The following SYDE2 variants were observed in gnomAD, a reference collection of about 807,000 sequenced individuals.
The protein encoded by SYDE2 is rho GTPase-activating protein SYDE2.
In SYDE2, 76 loss-of-function variants were observed where a neutral mutation model predicts 91.5. The observed-to-expected ratio is 0.83, with a 90% CI of 0.69 to 1.01. The LOEUF is 1.01. Ranked by LOEUF, SYDE2 falls within the 50% of genes least tolerant of loss-of-function variation. The pLI, the probability that SYDE2 is intolerant of heterozygous loss-of-function variation, is 0.00. For synonymous variants in SYDE2, 513 were observed against 506.4 expected, an observed-to-expected ratio of 1.01 and a Z score of -0.18; for missense variants, 1,364 against 1,367.7, an observed-to-expected ratio of 1.00 and a Z score of 0.04.
intron 2 of SYDE2, among the ~76,000 whole-genome samples, chr1:85,184,906 T>C (rs1165018073): frequency 1.3e-5 from 2 of 151,728 alleles, no homozygotes; most frequent in African/African-American, 4.8e-5. Flanking sequence ...GATACATATG[T>C]ATCTGGGAGT....
At chr1:85,186,867 A>C (rs1268498375) in intron 2 of SYDE2, among the ~76,000 whole-genome samples, 8 of 152,252 alleles carry the variant, frequency 5.3e-5, no homozygotes, top group South Asian at 2.1e-4. Context: ...AATTAATTCA[A>C]GATGGATTAA....
intron 3 of SYDE2, among the ~76,000 whole-genome samples, chr1:85,180,909 C>T (rs1290608109): frequency 6.6e-6 from 1 of 151,914 alleles, no homozygotes; most frequent in Non-Finnish European, 1.5e-5. Context: ...GAACTCTACC[C>T]TCACTGCCTG....
At chr1:85,166,969 G>A (rs575294384) in intron 5 of SYDE2, among the ~76,000 whole-genome samples, 2 of 152,270 alleles carry the variant, frequency 1.3e-5, no homozygotes, top group South Asian at 4.1e-4. Flanking sequence ...CCAGCACTTT[G>A]GGAGGTCGAG....
chr1:85,176,714 A>C (rs1028381855), intron 4 of SYDE2, among the ~76,000 whole-genome samples: 2 of 152,168 alleles, frequency 1.3e-5, no homozygotes, highest in Non-Finnish European at 2.9e-5. Flanking sequence ...TACACACTGA[A>C]GCATCTATAA....
Position 85,182,097 on chromosome 1 carries a change from C to T in SYDE2, c.2544+1G>A. The stretch of plus-strand genomic sequence containing the variant: ...AGTAGGGAACCATAGTAAGATAATA[C>T]CTGACAGCCTCTCTTTTCAATTTCC... On this transcript the variant is annotated splice_donor_variant, in intron 3 of 6. Transcript: ENST00000341460. LOFTEE classifies it high-confidence loss of function. The T allele has an allele frequency of 6.3e-7, 1 of 1,577,580 alleles. No individual in the cohort carries two copies. Among genetic ancestry groups the T allele is most frequent in the Non-Finnish European group, 8.6e-7 (1 of 1,166,138 alleles).
intron 3 of SYDE2, among the ~76,000 whole-genome samples, chr1:85,179,278 G>A (rs1302977418): frequency 1.3e-5 from 2 of 152,120 alleles, no homozygotes; most frequent in African/African-American, 4.8e-5. Context: ...AGGAATCACT[G>A]TAAAATGCAA....
At position 85,158,945 on chromosome 1, in the gene SYDE2, A is replaced by T. The variant is rs1451470848; in HGVS notation, c.3390T>A (p.Asp1130Glu). 1 of 780,510 alleles carries T rather than the reference A, an allele frequency of 1.3e-6. No individual in the cohort carries two copies. Among genetic ancestry groups the T allele is most frequent in the Non-Finnish European group, 2.4e-6 (1 of 417,928 alleles). 48.3% of individuals were successfully genotyped at this position (780,510 alleles called of 1,614,324 possible). A position where few individuals can be genotyped will look rare whatever the true frequency, so the allele number is the denominator to read the frequency against. Reference sequence around the variant, plus strand: ...GCTGTTCAATCATTACTTCTGGCCCATCCATTTTGCTATAATTTTCTCCGA... The same window carrying T: ...GCTGTTCAATCATTACTTCTGGCCCTTCCATTTTGCTATAATTTTCTCCGA... ...RKIGENYSKM[D>E]GPEVMIEQPI... Residue 1130 changes from aspartate to glutamate, a missense_variant, in exon 7 of 7, where the codon GAT becomes GAA. By Grantham distance (45) the Asp-to-Glu change is conservative. Coordinates refer to ENST00000341460, the MANE Select transcript of SYDE2 (RefSeq NM_032184.2).
chr1:85,167,931 T>C (rs1657351761), intron 5 of SYDE2, among the ~76,000 whole-genome samples: 1 of 151,960 alleles, frequency 6.6e-6, no homozygotes, highest in East Asian at 1.9e-4. Context: ...CTGGCCAACA[T>C]GGTGAAACCC....
At chr1:85,177,492 T>C (rs1436262335) in intron 4 of SYDE2, among the ~76,000 whole-genome samples, 2 of 152,134 alleles carry the variant, frequency 1.3e-5, no homozygotes, top group African/African-American at 2.4e-5. Flanking sequence ...AAGCTCTCTT[T>C]TTCTGCTAAT....
Position 85,200,879 on chromosome 1 carries a change from G to C in SYDE2, c.118C>G (p.Arg40Gly), listed in dbSNP as rs1468561169. The change falls in exon 1 of 7, where the codon CGC becomes GGC. Residue 40 changes from arginine to glycine, a missense_variant. By Grantham distance (125) the Arg-to-Gly change is moderately radical. Coordinates refer to ENST00000341460, the MANE Select transcript of SYDE2 (RefSeq NM_032184.2). ...TCCCCGTCCCGGGGGCAGGCTCGGCGGTACGCGGCGCCGCGGGAAGGCGGC... is the reference window on the plus strand; with the variant it reads ...TCCCCGTCCCGGGGGCAGGCTCGGCCGTACGCGGCGCCGCGGGAAGGCGGC... ...GQPPSRGAAY[R>G]RACPRDGERG... is the part of the protein sequence containing the mutation. 3 of 1,342,342 alleles carry C rather than the reference G, an allele frequency of 2.2e-6. No homozygotes were observed. The highest frequency in any genetic ancestry group is 2.8e-6 in the Non-Finnish European group (3 of 1,056,794). The allele number at this position is 1,342,342 out of a possible 1,614,324, so 83.2% of individuals were successfully genotyped here.
chr1:85,153,461 T>A (rs1403204725), downstream of SYDE2: 2 of 152,128 alleles, frequency 1.3e-5, no homozygotes, highest in Admixed American at 6.5e-5. Context: ...AAGTGTTGTG[T>A]ATATTTGTCA....
Position 85,164,584 on chromosome 1 carries a change from A to G in SYDE2, c.3027T>C (p.Ser1009=). Residue 1009 remains serine (S), a synonymous_variant, in exon 6 of 7, where the codon AGT becomes AGC. Transcript: ENST00000341460. ...RVFTDSEELA[S]ALDFKKHIEV... is the part of the protein sequence containing the mutation. ...CAATGTGTTTTTTAAAATCCAAAGCACTTGCAAGTTCTTCTGAATCAGTAA... is the reference window on the plus strand; with the variant it reads ...CAATGTGTTTTTTAAAATCCAAAGCGCTTGCAAGTTCTTCTGAATCAGTAA... 1.2e-6 allele frequency: 2 copies of G among 1,608,616 alleles called. No homozygotes were observed. The highest frequency in any genetic ancestry group is 1.3e-5 in the African/African-American group (1 of 74,970).
intron 1 of SYDE2, among the ~76,000 whole-genome samples, chr1:85,194,193 G>C (rs183634448): frequency 1.5e-4 from 22 of 151,316 alleles, no homozygotes. Context: ...AAATTAAATG[G>C]ATCCACATGA....
At position 85,190,760 on chromosome 1, in the gene SYDE2, A is replaced by G. The variant is rs761159712; in HGVS notation, c.746-8T>C. 1 of 1,582,946 alleles carries G rather than the reference A, an allele frequency of 6.3e-7. No homozygotes were observed. The highest frequency in any genetic ancestry group is 8.6e-7 in the Non-Finnish European group (1 of 1,165,330). On this transcript the variant is annotated splice_polypyrimidine_tract_variant and splice_region_variant and intron_variant, in intron 1 of 6. Coordinates refer to ENST00000341460, the MANE Select transcript of SYDE2 (RefSeq NM_032184.2). ...AGGCATTTTCAAATAAATCTGTTGC[A>G]AAGATAGAATAGAAGGTAGAATATA...
At chr1:85,167,635 G>A (rs958125630) in intron 5 of SYDE2, among the ~76,000 whole-genome samples, 1 of 152,176 alleles carries the variant, frequency 6.6e-6, no homozygotes, top group African/African-American at 2.4e-5. Flanking sequence ...AATTTTTGTA[G>A]AGACGGTTTC....
intron 2 of SYDE2, among the ~76,000 whole-genome samples, chr1:85,189,641 G>A (rs557694046): frequency 1.3e-5 from 2 of 152,158 alleles, no homozygotes; most frequent in Non-Finnish European, 2.9e-5. Flanking sequence ...TTCAAGACCA[G>A]CCTGGTCAAC....
At chr1:85,171,072 G>A (rs528030889) in intron 4 of SYDE2, among the ~76,000 whole-genome samples, 60 of 152,258 alleles carry the variant, frequency 3.9e-4, no homozygotes, top group African/African-American at 1.3e-3. Context: ...AATAGAGAAC[G>A]CAGGAGGAAA....
chr1:85,158,672 A>T lies in SYDE2; in HGVS notation c.*78T>A. ...ATTTCAAGAGTAAAAAAATGAAAACATCGCTGTGGGTGGTATAAGAAAATA... is the reference window on the plus strand; with the variant it reads ...ATTTCAAGAGTAAAAAAATGAAAACTTCGCTGTGGGTGGTATAAGAAAATA... On this transcript the variant is annotated 3_prime_UTR_variant, in exon 7 of 7. Coordinates refer to ENST00000341460, the MANE Select transcript of SYDE2 (RefSeq NM_032184.2). The T allele has an allele frequency of 1.7e-6, 1 of 589,780 alleles. No homozygotes were observed. Among genetic ancestry groups the T allele is most frequent in the Non-Finnish European group, 3.0e-6 (1 of 330,216 alleles). The allele number at this position is 589,780 out of a possible 1,614,324, so 36.5% of individuals were successfully genotyped here.
chr1:85,164,721 C>G lies in SYDE2; in HGVS notation c.2890G>C (p.Val964Leu). Residue 964 changes from valine (V) to leucine (L), a missense_variant, in exon 6 of 7, where the codon GTG (valine) becomes CTG (leucine). By Grantham distance (32) the Val-to-Leu change is conservative. Transcript: ENST00000341460. ...LKMLLDHLKL[V>L]ASYHEVNKMT... is the part of the protein sequence containing the mutation. ...TTATTCACTTCATGATAGGAAGCCA[C>G]CAATTTCAAATGATCCAACAACATC... is the stretch of plus-strand genomic sequence containing the variant. 6.9e-7 allele frequency: 1 copy of G among 1,455,370 alleles called. No individual in the cohort carries two copies. The highest frequency in any genetic ancestry group is 1.4e-5 in the African/African-American group (1 of 69,024). 90.2% of individuals were successfully genotyped at this position (1,455,370 alleles called of 1,614,324 possible).
Sources: gnomAD v4.1 joint callset for allele counts (sites outside exome capture counted in the v4.1 genomes callset) on GRCh38, gnomAD v4.1.1 for gene constraint, MANE v1.5 for transcripts, NCBI Gene and HGNC (gene_info 2026-07-23, HGNC 2026-07-21) for gene names.